ZRANB3: variants seen among roughly 807,000 people sequenced by gnomAD.
ZRANB3 encodes zinc finger RANBP2-type containing 3, also known as DNA annealing helicase and endonuclease ZRANB3.
Under a neutral mutation model 133.8 loss-of-function variants are expected in ZRANB3, and 125 were observed. That is an observed-to-expected ratio of 0.93 (90% CI 0.81 to 1.08). The LOEUF (loss-of-function observed/expected upper bound fraction) is 1.08, where lower values mean the gene tolerates loss of function less well. ZRANB3 is among the 50% of genes least tolerant of loss of function. The probability of loss-of-function intolerance (pLI) is 0.00; values close to 1 mark genes in which losing one functional copy is unlikely to be tolerated. For missense variants in ZRANB3, 1,229 were observed against 1,275.5 expected (o/e 0.96, Z 0.56); for synonymous variants, 387 against 432.7 (o/e 0.89, Z 1.31).
intron 2 of ZRANB3, among the ~76,000 whole-genome samples, chr2:135,415,706 C>T (rs1688536790): frequency 6.6e-6 from 1 of 152,148 alleles, no homozygotes; most frequent in African/African-American, 2.4e-5. Context: ...CAAGAATCCT[C>T]AATAAAATAC....
At chr2:135,230,288 A>G (rs781226706) in intron 13 of ZRANB3, among the ~76,000 whole-genome samples, 23 of 152,232 alleles carry the variant, frequency 1.5e-4, no homozygotes, top group Non-Finnish European at 2.8e-4. Flanking sequence ...AATTAATGCC[A>G]TATCACAGAC....
chr2:135,413,510 A>G (rs558209330), intron 2 of ZRANB3, among the ~76,000 whole-genome samples: 49 of 152,310 alleles, frequency 3.2e-4, no homozygotes, highest in African/African-American at 1.1e-3. Flanking sequence ...CAAAGGTTTT[A>G]AGATACTTTT....
chr2:135,327,677 G>C (rs963037828), intron 6 of ZRANB3, among the ~76,000 whole-genome samples: 3 of 152,120 alleles, frequency 2.0e-5, no homozygotes, highest in Non-Finnish European at 4.4e-5. Flanking sequence ...TATGTGATTT[G>C]ACAAGTTACT....
chr2:135,311,986 G>A (rs1446558774), intron 8 of ZRANB3, among the ~76,000 whole-genome samples: 1 of 151,928 alleles, frequency 6.6e-6, no homozygotes, highest in East Asian at 1.9e-4. Context: ...AGTGATGGGT[G>A]GAGGGGAAAT....
chr2:135,341,219 G>A lies in ZRANB3; in HGVS notation c.677+4331C>T, dbSNP rs1487594563. Reference sequence around the variant, plus strand: ...TCTTGTTGTTTCTTTTAGTAGAGACGGGGTTTCATCATGTTAGCCAGGATG... The same window carrying A: ...TCTTGTTGTTTCTTTTAGTAGAGACAGGGTTTCATCATGTTAGCCAGGATG... On this transcript the variant is annotated intron_variant, in intron 6 of 20. Coordinates refer to ENST00000264159, the MANE Select transcript of ZRANB3 (RefSeq NM_032143.4). Among the ~76,000 whole-genome samples the A allele has an allele frequency of 6.7e-5, 10 of 149,660 alleles. 1 individual carries two copies. Among genetic ancestry groups the A allele is most frequent in the African/African-American group, 1.8e-4 (7 of 39,106 alleles).
intron 2 of ZRANB3, among the ~76,000 whole-genome samples, chr2:135,412,072 T>A (rs992445759): frequency 2.0e-5 from 3 of 152,152 alleles, no homozygotes; most frequent in African/African-American, 7.2e-5. Context: ...GTTTTGTGAA[T>A]GACTAAATAA....
Position 135,199,439 on chromosome 2 carries a change from C to G in ZRANB3, c.*903G>C, listed in dbSNP as rs1401712348. ...AGCCTCCCGAGTATCTGAGATTACA[C>G]GTGCACAACACCATGCCCGGCTAAT... On this transcript the variant is annotated 3_prime_UTR_variant, in exon 21 of 21. Coordinates refer to ENST00000264159, the MANE Select transcript of ZRANB3 (RefSeq NM_032143.4). The G allele has an allele frequency of 1.3e-5, 2 of 152,056 alleles. No individual in the cohort carries two copies. The highest frequency in any genetic ancestry group is 4.8e-5 in the African/African-American group (2 of 41,406). The allele number at this position is 152,056 out of a possible 1,614,324, so 9.4% of individuals were successfully genotyped here.
At position 135,390,824 on chromosome 2, in the gene ZRANB3, GAAAA is replaced by G. The variant is rs201179629; in HGVS notation, c.162-8_162-5del. ...TACTTCATCAGCCACCATACACCTG[GAAAA>G]AAAAAAAAAAAAAAATTAATTATCA... is the stretch of plus-strand genomic sequence containing the variant. On this transcript the variant is annotated splice_region_variant and splice_polypyrimidine_tract_variant and intron_variant, in intron 2 of 20. Transcript: ENST00000264159. 477 of 1,297,930 alleles carry G rather than the reference GAAAA, an allele frequency of 3.7e-4. No individual in the cohort carries two copies. The highest frequency in any genetic ancestry group is 3.2e-3 in the East Asian group (112 of 34,510). The allele number at this position is 1,297,930 out of a possible 1,614,324, so 80.4% of individuals were successfully genotyped here. A position where few individuals can be genotyped will look rare whatever the true frequency, so the allele number is the denominator to read the frequency against.
chr2:135,275,072 A>G (rs1381576365), intron 9 of ZRANB3, among the ~76,000 whole-genome samples: 6 of 152,186 alleles, frequency 3.9e-5, no homozygotes, highest in Non-Finnish European at 8.8e-5. Context: ...TTTTCCCCAC[A>G]TTTCCCCCTT....
At chr2:135,245,945 A>AAAAAAAAAAAAAAAAAAAAAAAC (rs1437529464) in intron 12 of ZRANB3, among the ~76,000 whole-genome samples, 1 of 146,660 alleles carries the variant, frequency 6.8e-6, no homozygotes, top group African/African-American at 2.5e-5. Flanking sequence ...AAAAAAAAAA[A>AAAAAAAAAAAAAAAAAAAAAAAC]AAAGAGACAG....
intron 3 of ZRANB3, among the ~76,000 whole-genome samples, chr2:135,375,958 G>A (rs1323795687): frequency 6.6e-6 from 1 of 152,146 alleles, no homozygotes; most frequent in Non-Finnish European, 1.5e-5. Flanking sequence ...TTCAGGATAT[G>A]AAATTATTTA....
intron 2 of ZRANB3, among the ~76,000 whole-genome samples, chr2:135,459,241 C>T (rs1690661753): frequency 6.6e-6 from 1 of 152,148 alleles, no homozygotes; most frequent in Non-Finnish European, 1.5e-5. Flanking sequence ...CTTTCTGCCT[C>T]ATTCTTCTCT....
intron 3 of ZRANB3, among the ~76,000 whole-genome samples, chr2:135,370,511 C>T (rs745857950): frequency 1.3e-5 from 2 of 151,994 alleles, no homozygotes; most frequent in Non-Finnish European, 1.5e-5. Flanking sequence ...AGGCATGTTT[C>T]TTAATCCATA....
chr2:135,463,164 A>T (rs1690836036), intron 2 of ZRANB3, among the ~76,000 whole-genome samples: 1 of 152,112 alleles, frequency 6.6e-6, no homozygotes, highest in African/African-American at 2.4e-5. Flanking sequence ...TCTGACTCTA[A>T]AAAAAATTGT....
chr2:135,345,369 A>G (rs1684867362), intron 6 of ZRANB3, 181 bp downstream of exon 6: 1 of 499,778 alleles, frequency 2.0e-6, no homozygotes, highest in Non-Finnish European at 3.6e-6. Flanking sequence ...TCAGGAGGCT[A>G]AGGCAGAAGA....
chr2:135,297,951 G>C (rs1162887064), intron 8 of ZRANB3, among the ~76,000 whole-genome samples: 1 of 152,036 alleles, frequency 6.6e-6, no homozygotes, highest in Non-Finnish European at 1.5e-5. Flanking sequence ...TTTATTGGCT[G>C]GGCTTGGTAG....
At chr2:135,333,313 A>G (rs1037927275) in intron 6 of ZRANB3, among the ~76,000 whole-genome samples, 1 of 152,188 alleles carries the variant, frequency 6.6e-6, no homozygotes, top group Admixed American at 6.5e-5. Flanking sequence ...CAATGATACA[A>G]TGACATGCAA....
intron 3 of ZRANB3, among the ~76,000 whole-genome samples, chr2:135,363,008 G>T (rs1685757539): frequency 6.6e-6 from 1 of 152,056 alleles, no homozygotes; most frequent in Non-Finnish European, 1.5e-5. Context: ...AGTATGAAAT[G>T]ACTTTCAAGT....
At chr2:135,493,203 C>T (rs531889713) in intron 2 of ZRANB3, among the ~76,000 whole-genome samples, 16 of 122,590 alleles carry the variant, frequency 1.3e-4, no homozygotes, top group African/African-American at 4.4e-4. Flanking sequence ...TAAAGCTTCC[C>T]GAAGAAAACA....
Sources: allele counts gnomAD v4.1 joint callset (sites outside exome capture counted in the v4.1 genomes callset), GRCh38; gene constraint gnomAD v4.1.1; transcripts MANE v1.5; gene names NCBI Gene and HGNC (gene_info 2026-07-23, HGNC 2026-07-21).